OSBPL1A: variants seen among roughly 807,000 people sequenced by gnomAD.
OSBPL1A encodes the protein oxysterol binding protein like 1A, also known as oxysterol-binding protein-related protein 1.
Under a neutral mutation model 137.1 loss-of-function variants are expected in OSBPL1A, and 80 were observed. That is an observed-to-expected ratio of 0.58 (90% CI 0.49 to 0.70). The LOEUF is 0.70. Among genes scored for constraint, OSBPL1A ranks in the 30% least tolerant of loss-of-function variants. OSBPL1A has a pLI of 0.00. For missense variants in OSBPL1A, 970 were observed against 1,129.4 expected, an observed-to-expected ratio of 0.86 and a Z score of 2.02; for synonymous variants, 365 against 389.7, an observed-to-expected ratio of 0.94 and a Z score of 0.75.
At chr18:24,241,342 C>A (rs1345867704) in intron 15 of OSBPL1A, among the ~76,000 whole-genome samples, 1 of 152,142 alleles carries the variant, frequency 6.6e-6, no homozygotes, top group Non-Finnish European at 1.5e-5. Context: ...GAAGAGGCAA[C>A]CTACAGAATG....
At chr18:24,244,388 T>TA (rs2088819861) in intron 15 of OSBPL1A, among the ~76,000 whole-genome samples, 1 of 152,230 alleles carries the variant, frequency 6.6e-6, no homozygotes, top group Non-Finnish European at 1.5e-5. Flanking sequence ...TATAATTGTA[T>TA]ATGTGTTTAT....
chr18:24,354,748 C>CAAAAAAAAAAAAAAAAAA (rs59694707), intron 4 of OSBPL1A, among the ~76,000 whole-genome samples: 17 of 77,080 alleles, frequency 2.2e-4, no homozygotes, highest in Non-Finnish European at 3.7e-4. Context: ...CTCAATATAG[C>CAAAAAAAAAAAAAAAAAA]AAAAAAAAAA....
At chr18:24,212,527 G>T (rs2087575973) in intron 17 of OSBPL1A, among the ~76,000 whole-genome samples, 1 of 152,074 alleles carries the variant, frequency 6.6e-6, no homozygotes, top group African/African-American at 2.4e-5. Context: ...AGTTCGATAT[G>T]ATTTTTCATA....
intron 9 of OSBPL1A, among the ~76,000 whole-genome samples, chr18:24,317,663 G>A (rs1350422566): frequency 6.6e-6 from 1 of 151,972 alleles, no homozygotes; most frequent in Non-Finnish European, 1.5e-5. Flanking sequence ...AACTGTTCAG[G>A]GATTATTTAC....
intron 21 of OSBPL1A, among the ~76,000 whole-genome samples, chr18:24,175,117 T>TATATATATATAC (rs1204939199): frequency 9.0e-4 from 32 of 35,632 alleles, no homozygotes; most frequent in Non-Finnish European, 1.7e-3. Flanking sequence ...TGTATATATA[T>TATATATATATAC]ATATATATAT....
At chr18:24,185,328 CTTT>C (rs200202342) in intron 18 of OSBPL1A, among the ~76,000 whole-genome samples, 8 of 139,898 alleles carry the variant, frequency 5.7e-5, no homozygotes, top group Non-Finnish European at 4.8e-5. Flanking sequence ...ATTCTTTTTT[CTTT>C]TTTTTTTTTT....
At chr18:24,259,383 C>A (rs1227505435) in intron 15 of OSBPL1A, among the ~76,000 whole-genome samples, 1 of 152,064 alleles carries the variant, frequency 6.6e-6, no homozygotes, top group African/African-American at 2.4e-5. Flanking sequence ...ATTAGTAAGC[C>A]CCAAGTTTTA....
At chr18:24,319,831 G>A (rs1298941642) in intron 7 of OSBPL1A, among the ~76,000 whole-genome samples, 1 of 152,046 alleles carries the variant, frequency 6.6e-6, no homozygotes, top group African/African-American at 2.4e-5. Context: ...GTTTATGCAG[G>A]AAGGTGATAT....
In OSBPL1A at chr18:24,165,094, C is replaced by T; in HGVS notation, c.2721G>A (p.Arg907=). 1.2e-6 allele frequency: 2 copies of T among 1,614,184 alleles called. No homozygotes were observed. The highest frequency in any genetic ancestry group is 1.7e-6 in the Non-Finnish European group (2 of 1,180,030). ...TCTTCCAGTCCTCTTCTGACTTGGA[C>T]CTGTTTTTGCGGGCTGCTCTTTGTT... The part of the protein sequence containing the change: ...EEKQRAARKN[R]SKSEEDWKTR... Residue 907 remains arginine, a synonymous_variant, in exon 27 of 28, where the codon AGG becomes AGA. Coordinates refer to ENST00000319481, the MANE Select transcript of OSBPL1A (RefSeq NM_080597.4).
At chr18:24,376,878 G>A (rs886709279) in intron 2 of OSBPL1A, among the ~76,000 whole-genome samples, 2 of 152,234 alleles carry the variant, frequency 1.3e-5, no homozygotes, top group African/African-American at 4.8e-5. Flanking sequence ...CTCCCAGTGC[G>A]GGGCCCACCA....
chr18:24,267,574 C>T (rs1311988937), intron 15 of OSBPL1A, among the ~76,000 whole-genome samples: 1 of 152,040 alleles, frequency 6.6e-6, no homozygotes, highest in Non-Finnish European at 1.5e-5. Context: ...AAAGATAATA[C>T]ATCATAACCA....
intron 18 of OSBPL1A, among the ~76,000 whole-genome samples, chr18:24,185,545 T>C (rs149258889): frequency 0.011 from 1,737 of 152,138 alleles, 21 homozygotes; most frequent in African/African-American, 0.04. Context: ...GGTCTTGAAC[T>C]CCTGACCTCG....
chr18:24,171,273 C>G (rs1685271), intron 23 of OSBPL1A, 136 bp downstream of exon 23: 2 of 590,306 alleles, frequency 3.4e-6, no homozygotes, highest in African/African-American at 3.8e-5. Flanking sequence ...ACCTCGTGAT[C>G]TGCCCACCTC....
intron 4 of OSBPL1A, among the ~76,000 whole-genome samples, chr18:24,350,894 C>T (rs2091426754): frequency 1.3e-5 from 2 of 152,096 alleles, no homozygotes; most frequent in African/African-American, 4.8e-5. Flanking sequence ...CACCAAATGA[C>T]AGACAAATCA....
intron 17 of OSBPL1A, among the ~76,000 whole-genome samples, chr18:24,213,805 T>A (rs932943625): frequency 1.3e-5 from 2 of 152,180 alleles, no homozygotes; most frequent in Non-Finnish European, 2.9e-5. Context: ...TGTACACAAT[T>A]TTAAACTGAT....
intron 17 of OSBPL1A, among the ~76,000 whole-genome samples, chr18:24,223,989 T>A (rs2087979488): frequency 1.3e-5 from 2 of 152,160 alleles, no homozygotes; most frequent in South Asian, 4.1e-4. Context: ...AAACTGATAG[T>A]AACTACAGAG....
chr18:24,240,888 A>C (rs183424210), intron 15 of OSBPL1A, among the ~76,000 whole-genome samples: 6 of 152,272 alleles, frequency 3.9e-5, no homozygotes, highest in South Asian at 4.1e-4. Flanking sequence ...GTGGTATCCC[A>C]ACAGTTTGAA....
intron 11 of OSBPL1A, among the ~76,000 whole-genome samples, chr18:24,316,762 T>C (rs746209154): frequency 6.6e-6 from 1 of 152,218 alleles, no homozygotes; most frequent in Non-Finnish European, 1.5e-5. Flanking sequence ...CCACCATGAC[T>C]GAATTAATAT....
chr18:24,234,168 A>G (rs2088369247), intron 16 of OSBPL1A, among the ~76,000 whole-genome samples: 1 of 152,204 alleles, frequency 6.6e-6, no homozygotes, highest in South Asian at 2.1e-4. Flanking sequence ...TTCTTCTTCT[A>G]TAAAGCATTT....
Sources: gnomAD v4.1 joint callset for allele counts (sites outside exome capture counted in the v4.1 genomes callset) on GRCh38, gnomAD v4.1.1 for gene constraint, MANE v1.5 for transcripts, NCBI Gene and HGNC (gene_info 2026-07-23, HGNC 2026-07-21) for gene names.